The following ADAMTSL1 variants were observed in gnomAD, a reference collection of about 807,000 sequenced individuals.
ADAMTSL1 encodes the protein ADAMTS like 1.
A neutral mutation model predicts 201.8 loss-of-function variants in ADAMTSL1; 126 were observed. That is an observed-to-expected ratio of 0.62 (90% CI 0.54 to 0.72). The LOEUF is 0.72. Ranked by LOEUF, ADAMTSL1 falls within the 30% of genes least tolerant of loss-of-function variation. ADAMTSL1 has a pLI of 0.00. For missense variants in ADAMTSL1, 2,679 were observed against 2,277.8 expected (o/e 1.18, Z -3.59); for synonymous variants, 1,121 against 903.4 (o/e 1.24, Z -4.32).
At chr9:18,664,562 A>G (rs1829315436) in intron 9 of ADAMTSL1, among the ~76,000 whole-genome samples, 1 of 152,114 alleles carries the variant, frequency 6.6e-6, no homozygotes, top group African/African-American at 2.4e-5. Context: ...TGAGATATTT[A>G]TTCATTTTTC....
chr9:18,422,438 C>G (rs750690877), intron 2 of ADAMTSL1, among the ~76,000 whole-genome samples: 1 of 151,898 alleles, frequency 6.6e-6, no homozygotes, highest in Non-Finnish European at 1.5e-5. Context: ...CAGACATCCT[C>G]CCTGTGGGTT....
intron 2 of ADAMTSL1, among the ~76,000 whole-genome samples, chr9:18,396,428 A>G (rs1023611218): frequency 1.3e-5 from 2 of 150,738 alleles, no homozygotes; most frequent in East Asian, 3.9e-4. Flanking sequence ...CTAAAAATAA[A>G]TATTCATTAC....
In ADAMTSL1 at chr9:18,462,661, G is replaced by A. The variant is rs148637223; in HGVS notation, c.208-42168G>A. Among the ~76,000 whole-genome samples, 907 of 152,156 alleles carry A rather than the reference G, an allele frequency of 6.0e-3. 8 individuals carry two copies. The highest frequency in any genetic ancestry group is 0.021 in the African/African-American group (864 of 41,518). ...TCAGTAGAAGAAGGAAAAAGGGGCCGGGCATGGTGGCTCACACCTAGAATC... is the reference window on the plus strand; with the variant it reads ...TCAGTAGAAGAAGGAAAAAGGGGCCAGGCATGGTGGCTCACACCTAGAATC... On this transcript the variant is annotated intron_variant, in intron 2 of 29. Coordinates refer to the ADAMTSL1 transcript ENST00000680146.
intron 1 of ADAMTSL1, among the ~76,000 whole-genome samples, chr9:18,154,534 C>T (rs1317968819): frequency 1.3e-5 from 2 of 152,098 alleles, no homozygotes; most frequent in African/African-American, 2.4e-5. Context: ...CATGTGTACA[C>T]ATATGTGCCT....
chr9:18,394,338 C>A (rs964110217), intron 2 of ADAMTSL1, among the ~76,000 whole-genome samples: 1 of 152,174 alleles, frequency 6.6e-6, no homozygotes, highest in Non-Finnish European at 1.5e-5. Context: ...ATAACAGAAT[C>A]TGTCCACAGC....
At chr9:18,130,952 A>G (rs967340993) in intron 1 of ADAMTSL1, among the ~76,000 whole-genome samples, 1 of 152,140 alleles carries the variant, frequency 6.6e-6, no homozygotes, top group Non-Finnish European at 1.5e-5. Context: ...ACTCATTTCT[A>G]TTGGAAACTA....
intron 2 of ADAMTSL1, among the ~76,000 whole-genome samples, chr9:18,307,688 C>G (rs1299452398): frequency 6.6e-6 from 1 of 152,132 alleles, no homozygotes; most frequent in Admixed American, 6.5e-5. Context: ...CACCCAGATT[C>G]ATAAAGCAAG....
chr9:18,665,267 C>A (rs1193236912), intron 9 of ADAMTSL1, among the ~76,000 whole-genome samples: 1 of 151,962 alleles, frequency 6.6e-6, no homozygotes, highest in Non-Finnish European at 1.5e-5. Flanking sequence ...TTGTGTTTAC[C>A]AAAATAGCTT....
intron 15 of ADAMTSL1, among the ~76,000 whole-genome samples, chr9:18,740,144 C>A (rs1310483159): frequency 6.6e-6 from 1 of 152,158 alleles, no homozygotes; most frequent in Non-Finnish European, 1.5e-5. Context: ...CAACATGTCA[C>A]CCAGTGCTGT....
chr9:18,739,573 T>C (rs1346464897), intron 15 of ADAMTSL1, among the ~76,000 whole-genome samples: 1 of 152,220 alleles, frequency 6.6e-6, no homozygotes, highest in East Asian at 1.9e-4. Flanking sequence ...TAACTCGCCC[T>C]GAGGTAACAA....
chr9:17,918,774 T>C (rs1326073081), intron 1 of ADAMTSL1, among the ~76,000 whole-genome samples: 2 of 151,950 alleles, frequency 1.3e-5, no homozygotes, highest in East Asian at 1.9e-4. Flanking sequence ...GAAAGGGATA[T>C]TGACATCTCT....
At chr9:18,577,194 C>T (rs1822789573) in intron 4 of ADAMTSL1, among the ~76,000 whole-genome samples, 1 of 152,146 alleles carries the variant, frequency 6.6e-6, no homozygotes, top group African/African-American at 2.4e-5. Context: ...AGTCAAAAGA[C>T]ATGAGTTGGG....
intron 2 of ADAMTSL1, among the ~76,000 whole-genome samples, chr9:18,238,612 A>C (rs1165552447): frequency 6.6e-6 from 1 of 152,212 alleles, no homozygotes; most frequent in African/African-American, 2.4e-5. Flanking sequence ...GCACCAAAAA[A>C]ATGAGTTTTC....
chr9:18,585,917 C>T (rs1202463115), intron 4 of ADAMTSL1, among the ~76,000 whole-genome samples: 1 of 152,040 alleles, frequency 6.6e-6, no homozygotes, highest in East Asian at 1.9e-4. Flanking sequence ...ATTTAATAAA[C>T]TAGATATTGA....
chr9:18,120,453 TG>T (rs1011340179), intron 1 of ADAMTSL1, among the ~76,000 whole-genome samples: 3 of 152,116 alleles, frequency 2.0e-5, no homozygotes, highest in Non-Finnish European at 4.4e-5. Flanking sequence ...TAGGAATTGT[TG>T]GGGGGGACCC....
At chr9:18,257,684 T>A (rs1409938156) in intron 2 of ADAMTSL1, among the ~76,000 whole-genome samples, 1 of 152,196 alleles carries the variant, frequency 6.6e-6, no homozygotes, top group Non-Finnish European at 1.5e-5. Flanking sequence ...TTTCTAGATA[T>A]ATACCCCCAA....
intron 4 of ADAMTSL1, among the ~76,000 whole-genome samples, chr9:18,610,446 T>G (rs1825298496): frequency 6.6e-6 from 1 of 152,190 alleles, no homozygotes; most frequent in Non-Finnish European, 1.5e-5. Flanking sequence ...GCTTAAACTC[T>G]GCTTTTGATC....
At chr9:18,812,752 C>A (rs923515479) in intron 20 of ADAMTSL1, among the ~76,000 whole-genome samples, 1 of 152,060 alleles carries the variant, frequency 6.6e-6, no homozygotes, top group Non-Finnish European at 1.5e-5. Context: ...GTTTTCCCAG[C>A]ACCATTTATT....
intron 4 of ADAMTSL1, among the ~76,000 whole-genome samples, chr9:18,601,432 C>G (rs1358510521): frequency 6.6e-6 from 1 of 152,176 alleles, no homozygotes; most frequent in Non-Finnish European, 1.5e-5. Context: ...TAACTTAGCT[C>G]TAATCATATT....
Sources: allele counts gnomAD v4.1 joint callset (sites outside exome capture counted in the v4.1 genomes callset), GRCh38; gene constraint gnomAD v4.1.1; transcripts MANE v1.5; gene names NCBI Gene and HGNC (gene_info 2026-07-23, HGNC 2026-07-21).